DNMT3A: variants seen among roughly 807,000 people sequenced by gnomAD.
DNMT3A encodes DNA (cytosine-5)-methyltransferase 3A.
A neutral mutation model predicts 117.6 loss-of-function variants in DNMT3A; 267 were observed. That is an observed-to-expected ratio of 2.27 (90% confidence interval 2.05 to 2.51). The LOEUF is 2.51. Ranked by LOEUF, DNMT3A falls within the 30% of genes most tolerant of loss-of-function variation. The probability of loss-of-function intolerance (pLI) is 0.00; values close to 1 mark genes in which losing one functional copy is unlikely to be tolerated. For missense variants in DNMT3A, 1,029 were observed against 1,260.2 expected (o/e 0.82, Z 2.78); for synonymous variants, 432 against 474.8 (o/e 0.91, Z 1.17).
At chr2:25,275,679 T>G in intron 4 of DNMT3A, 136 bp from the exon 5 acceptor site, 2 of 919,924 alleles carry the variant, frequency 2.2e-6, no homozygotes, top group Non-Finnish European at 1.6e-6. Context: ...GTTCATGTGT[T>G]AAATATGATG....
intron 1 of DNMT3A, among the ~76,000 whole-genome samples, chr2:25,334,237 C>T (rs944815662): frequency 4.6e-5 from 7 of 152,278 alleles, no homozygotes; most frequent in East Asian, 1.9e-4. Context: ...CCTGAGCTTC[C>T]TGGGGTAGCA....
chr2:25,300,736 T>A (rs867898675), intron 2 of DNMT3A, among the ~76,000 whole-genome samples: 1 of 38,792 alleles, frequency 2.6e-5, no homozygotes, highest in South Asian at 8.5e-4. Context: ...TATATATATA[T>A]ATATATATAT....
In DNMT3A at chr2:25,229,226, T is replaced by G. The variant is rs573124898; in HGVS notation, c.*5053A>C. On this transcript the variant is annotated 3_prime_UTR_variant, in exon 23 of 23. Transcript: ENST00000321117. ...CAGAGCTCACACTACAACAGCAGAGTCCATCCTCTCACCCCTTCCCTCTCC... is the reference window on the plus strand; with the variant it reads ...CAGAGCTCACACTACAACAGCAGAGGCCATCCTCTCACCCCTTCCCTCTCC... 1.3e-3 allele frequency: 193 copies of G among 152,332 alleles called. No individual in the cohort carries two copies. Among genetic ancestry groups the G allele is most frequent in the African/African-American group, 4.5e-3 (186 of 41,480 alleles). The allele number at this position is 152,332 out of a possible 1,614,324, so 9.4% of individuals were successfully genotyped here.
rs1310124760 is a variant in DNMT3A at position 25,228,813 on chromosome 2, G to C, written c.*5466C>G. ...TAGGGCTGTGCAACCAAATCGGTCT[G>C]TGAAGTGAAATGGGACTAGGGGATG... On this transcript the variant is annotated 3_prime_UTR_variant, in exon 23 of 23. Transcript: ENST00000321117. 1 of 152,236 alleles carries C rather than the reference G, an allele frequency of 6.6e-6. No homozygotes were observed. Among genetic ancestry groups the C allele is most frequent in the African/African-American group, 2.4e-5 (1 of 41,454 alleles). 9.4% of individuals were successfully genotyped at this position (152,236 alleles called of 1,614,324 possible).
In DNMT3A at chr2:25,240,403, C is replaced by CATCATGCAGGAGGCGGTAGA; in HGVS notation, c.2201_2220dup (p.Ala741SerfsTer45). 6.2e-7 allele frequency: 1 copy of CATCATGCAGGAGGCGGTAGA among 1,613,782 alleles called. No individual in the cohort carries two copies. The highest frequency in any genetic ancestry group is 8.5e-7 in the Non-Finnish European group (1 of 1,179,840). On this transcript the variant is annotated frameshift_variant, in exon 19 of 23. Transcript: ENST00000321117. LOFTEE classifies it high-confidence loss of function. ...CGATCATCTCCCTCCTTGGGCCGCG[C>CATCATGCAGGAGGCGGTAGA]ATCATGCAGGAGGCGGTAGAACTCA...
In DNMT3A at chr2:25,252,460, G is replaced by A. The variant is rs1675697307; in HGVS notation, c.640-4208C>T. ...GGGCCGGCGCTCCGACGCTGGCGCT[G>A]GGCCAGCCCCTCTTCTCCGGTCCGA... is the stretch of plus-strand genomic sequence containing the variant. On this transcript the variant is annotated intron_variant, in intron 6 of 22. Transcript: ENST00000321117. This position sits in a 1 kb window ranked among gnomAD's most constrained non-coding sequence, Gnocchi z 5.5. 2.2e-5 allele frequency: 9 copies of A among 408,926 alleles called. No individual in the cohort carries two copies. The South Asian group carries it at 3.7e-4, about 17-fold the overall frequency. The allele number at this position is 408,926 out of a possible 1,614,324, so 25.3% of individuals were successfully genotyped here.
intron 6 of DNMT3A, among the ~76,000 whole-genome samples, chr2:25,265,429 GT>G (rs1172497593): frequency 6.6e-6 from 1 of 152,228 alleles, no homozygotes; most frequent in African/African-American, 2.4e-5. Flanking sequence ...TTGGAGTCTA[GT>G]TTTGCCCATT....
chr2:25,245,313 C>T lies in DNMT3A; in HGVS notation c.1494G>A (p.Gly498=). Residue 498 remains glycine (G), a synonymous_variant, in exon 13 of 23, where the codon GGG becomes GGA. Coordinates refer to ENST00000321117, the MANE Select transcript of DNMT3A (RefSeq NM_022552.5). Reference sequence around the variant, plus strand: ...GGTGTTCCAGGGTAACATTGAGGCTCCCACAGGAGATGCAGATGTCTGGAA... The same window carrying T: ...GGTGTTCCAGGGTAACATTGAGGCTTCCACAGGAGATGCAGATGTCTGGAA... The part of the protein sequence containing the change: ...RNIEDICISC[G]SLNVTLEHPL... 1 of 1,613,898 alleles carries T rather than the reference C, an allele frequency of 6.2e-7. No homozygotes were observed.
chr2:25,246,723 C>G lies in DNMT3A; in HGVS notation c.1176G>C (p.Glu392Asp), dbSNP rs1416783098. ...CCTCCACGGCCTTGGCAGTGTCACTCTCATCGCTGTCGTGGCACACCGGGA... is the reference window on the plus strand; with the variant it reads ...CCTCCACGGCCTTGGCAGTGTCACTGTCATCGCTGTCGTGGCACACCGGGA... Reference protein sequence around the residue: ...KLFPVCHDSDESDTAKAVEVQ... With the variant: ...KLFPVCHDSDDSDTAKAVEVQ... Residue 392 changes from glutamate (E) to aspartate (D), a missense_variant, in exon 10 of 23, where the codon GAG becomes GAC. Transcript: ENST00000321117. 6.2e-7 allele frequency: 1 copy of G among 1,613,812 alleles called. No homozygotes were observed. Among genetic ancestry groups the G allele is most frequent in the Non-Finnish European group, 8.5e-7 (1 of 1,180,040 alleles).
chr2:25,340,986 C>T (rs2035404840), intron 1 of DNMT3A, among the ~76,000 whole-genome samples: 1 of 146,946 alleles, frequency 6.8e-6, no homozygotes, highest in African/African-American at 2.5e-5. Context: ...ACGACCACCC[C>T]TCTCCGTGCC....
intron 6 of DNMT3A, among the ~76,000 whole-genome samples, chr2:25,248,555 AT>A (rs35815470): frequency 2.0e-4 from 29 of 148,124 alleles, no homozygotes; most frequent in Admixed American, 2.7e-4. Context: ...TTATTTATTT[AT>A]TTTTTTTTTT....
chr2:25,317,828 C>T (rs558507183), intron 1 of DNMT3A, among the ~76,000 whole-genome samples: 33 of 152,108 alleles, frequency 2.2e-4, no homozygotes, highest in Middle Eastern at 3.4e-3. Context: ...CTCCGCCTCG[C>T]GGGTTCAAGC....
chr2:25,246,272 C>T lies in DNMT3A; in HGVS notation c.1317G>A (p.Met439Ile), dbSNP rs1004570713. Residue 439 changes from methionine (M) to isoleucine (I), a missense_variant, in exon 11 of 23, where the codon ATG becomes ATA. By Grantham distance (10) the Met-to-Ile change is conservative. Coordinates refer to ENST00000321117, the MANE Select transcript of DNMT3A (RefSeq NM_022552.5). The part of the protein sequence containing the change: ...KNPYKEVYTD[M>I]WVEPEAAAYA... ...AGGCAGCTGCCTCAGGTTCCACCCA[C>T]ATGTCCGTGTACACTTCTTTGTAGG... The T allele has an allele frequency of 2.5e-6, 4 of 1,613,784 alleles. No homozygotes were observed. The African/African-American group carries it at 5.3e-5, about 22-fold the overall frequency.
At position 25,295,001 on chromosome 2, in the gene DNMT3A, G is replaced by A. The variant is rs1271441380; in HGVS notation, c.177+5138C>T. ...GTATAAATCGTCAATGAATAAATAC[G>A]CATCGCTAGTAAATAGGGGATGGAG... On this transcript the variant is annotated intron_variant, in intron 3 of 22. Transcript: ENST00000321117. Among the ~76,000 whole-genome samples the A allele has an allele frequency of 5.3e-5, 8 of 152,178 alleles. No individual in the cohort carries two copies. In the East Asian group the frequency reaches 1.3e-3, roughly 26 times the overall value.
At chr2:25,240,256 G>A in intron 19 of DNMT3A, 46 bp downstream of exon 19, 2 of 1,612,882 alleles carry the variant, frequency 1.2e-6, no homozygotes, top group Non-Finnish European at 1.7e-6. Context: ...GCAGTCCAAG[G>A]TAGAAGCCAT....
intron 1 of DNMT3A, 58 bp from the exon 2 acceptor site, chr2:25,314,219 C>T (rs1376167252): frequency 3.6e-6 from 5 of 1,392,900 alleles, no homozygotes; most frequent in Non-Finnish European, 4.6e-6. Flanking sequence ...CTGGGTCAGG[C>T]CCTCAGCCCA....
chr2:25,297,670 C>T (rs916432217), intron 3 of DNMT3A, among the ~76,000 whole-genome samples: 1 of 152,126 alleles, frequency 6.6e-6, no homozygotes, highest in Non-Finnish European at 1.5e-5. Flanking sequence ...GCCATCATGC[C>T]CGGCTAATTT....
rs928399111 is a variant in DNMT3A, at chr2:25,231,441, C to G, written c.*2838G>C. The G allele has an allele frequency of 3.3e-5, 5 of 152,212 alleles. No individual in the cohort carries two copies. The highest frequency in any genetic ancestry group is 5.9e-5 in the Non-Finnish European group (4 of 68,048). The allele number at this position is 152,212 out of a possible 1,614,324, so 9.4% of individuals were successfully genotyped here. ...GGAGACAGTAGATTGGGGTCCAGGA[C>G]CAAGCACCCCAAAAAGGGGTGAGAC... On this transcript the variant is annotated 3_prime_UTR_variant, in exon 23 of 23. Coordinates refer to ENST00000321117, the MANE Select transcript of DNMT3A (RefSeq NM_022552.5).
At chr2:25,279,193 T>C (rs1313990670) in intron 4 of DNMT3A, among the ~76,000 whole-genome samples, 2 of 152,206 alleles carry the variant, frequency 1.3e-5, no homozygotes, top group African/African-American at 2.4e-5. Flanking sequence ...CCTGTCCCTA[T>C]CACTCATCTC....
Sources: gnomAD v4.1 joint callset for allele counts (sites outside exome capture counted in the v4.1 genomes callset) on GRCh38, gnomAD v4.1.1 for gene constraint, Gnocchi (gnomAD v3.1) non-coding constraint, MANE v1.5 for transcripts, NCBI Gene and HGNC (gene_info 2026-07-23, HGNC 2026-07-21) for gene names.